Variants in SPATA9 observed in about 807,000 individuals in gnomAD.
SPATA9 encodes the protein spermatogenesis associated 9.
A neutral mutation model predicts 25.5 loss-of-function variants in SPATA9; 27 were observed. That is an observed-to-expected ratio of 1.06 (90% CI 0.78 to 1.46). SPATA9 has a LOEUF of 1.46. Ranked by LOEUF, SPATA9 falls within the 40% of genes most tolerant of loss-of-function variation. The pLI is 0.00. For synonymous variants in SPATA9, 102 were observed against 105.7 expected (o/e 0.97, Z 0.21); for missense variants, 282 against 297.5 (o/e 0.95, Z 0.38).
chr5:95,721,902 G>C, the SPATA9 span, among the ~76,000 whole-genome samples: 2 of 152,036 alleles, frequency 1.3e-5, no homozygotes, highest in African/African-American at 4.8e-5. Context: ...AATATATAAT[G>C]GCATTAGCAG....
chr5:95,673,390 G>A (rs924227180), intron 3 of SPATA9, among the ~76,000 whole-genome samples: 1 of 152,134 alleles, frequency 6.6e-6, no homozygotes, highest in South Asian at 2.1e-4. Flanking sequence ...GTGTGTGTGT[G>A]TGTGTGCATG....
At chr5:95,659,209 TAAATG>T (rs1175503909) in intron 4 of SPATA9, 89 of 254,354 alleles carry the variant, frequency 3.5e-4, no homozygotes, top group Non-Finnish European at 7.4e-6. Flanking sequence ...TTGATGTAAT[TAAATG>T]AAACATTTTC....
At chr5:95,711,482 G>T in the SPATA9 span, among the ~76,000 whole-genome samples, 2 of 152,152 alleles carry the variant, frequency 1.3e-5, no homozygotes, top group Non-Finnish European at 2.9e-5. Flanking sequence ...CATAAACCAA[G>T]AAGGGGGCTG....
At chr5:95,674,462 C>A (rs1424402234) in intron 3 of SPATA9, among the ~76,000 whole-genome samples, 1 of 152,190 alleles carries the variant, frequency 6.6e-6, no homozygotes, top group East Asian at 1.9e-4. Flanking sequence ...GAACACAAGC[C>A]ATGCTCTTGG....
the SPATA9 span, chr5:95,731,418 G>C: frequency 2.5e-6 from 3 of 1,190,582 alleles, no homozygotes; most frequent in Non-Finnish European, 3.1e-6. Context: ...GCTGTGCGGC[G>C]GTCCCGCGCC....
the SPATA9 span, among the ~76,000 whole-genome samples, chr5:95,726,372 G>A: frequency 3.9e-5 from 6 of 152,182 alleles, no homozygotes; most frequent in African/African-American, 1.4e-4. Flanking sequence ...TTTCTTGGAA[G>A]TATTGACTTG....
At chr5:95,682,170 A>G (rs1753520358) in intron 2 of SPATA9, among the ~76,000 whole-genome samples, 1 of 152,096 alleles carries the variant, frequency 6.6e-6, no homozygotes, top group African/African-American at 2.4e-5. Flanking sequence ...CATTGTTACA[A>G]TTTATCTCAA....
At chr5:95,661,341 G>A (rs775631386) in intron 4 of SPATA9, among the ~76,000 whole-genome samples, 4 of 151,838 alleles carry the variant, frequency 2.6e-5, no homozygotes, top group Admixed American at 6.6e-5. Context: ...GGTTCCACTC[G>A]TAGGACATTA....
chr5:95,656,000 A>G (rs906964063), downstream of SPATA9: 2 of 1,576,794 alleles, frequency 1.3e-6, no homozygotes, highest in South Asian at 1.2e-5. Context: ...GTCTATCAAG[A>G]ACATTTGACA....
At chr5:95,678,416 C>T (rs1481715864) in intron 2 of SPATA9, among the ~76,000 whole-genome samples, 1 of 151,932 alleles carries the variant, frequency 6.6e-6, no homozygotes, top group Non-Finnish European at 1.5e-5. Context: ...ACTTTCCTAG[C>T]CTCAAAAAGA....
chr5:95,664,063 A>G lies in SPATA9; in HGVS notation c.379-15T>C. Reference sequence around the variant, plus strand: ...CCCTTTCTGACCTGCAAAAACAGAAAAGATTTTCTTAATAAACAAACATTT... The same window carrying G: ...CCCTTTCTGACCTGCAAAAACAGAAGAGATTTTCTTAATAAACAAACATTT... On this transcript the variant is annotated splice_polypyrimidine_tract_variant and intron_variant, in intron 3 of 4. Coordinates refer to ENST00000274432, the MANE Select transcript of SPATA9 (RefSeq NM_031952.4). The G allele has an allele frequency of 6.8e-7, 1 of 1,476,636 alleles. No individual in the cohort carries two copies. The highest frequency in any genetic ancestry group is 9.2e-7 in the Non-Finnish European group (1 of 1,090,410). The allele number at this position is 1,476,636 out of a possible 1,614,324, so 91.5% of individuals were successfully genotyped here. A position where few individuals can be genotyped will look rare whatever the true frequency, so the allele number is the denominator to read the frequency against.
intron 3 of SPATA9, chr5:95,670,453 A>C (rs550525260): frequency 7.4e-4 from 112 of 152,318 alleles, no homozygotes; most frequent in African/African-American, 2.5e-3. Flanking sequence ...TGTCATCCAC[A>C]AAACAGTGAC....
At chr5:95,728,576 T>C in the SPATA9 span, among the ~76,000 whole-genome samples, 1 of 152,212 alleles carries the variant, frequency 6.6e-6, no homozygotes, top group African/African-American at 2.4e-5. Context: ...CTATCTCTTT[T>C]ACTGACTGCC....
At chr5:95,688,783 G>C (rs1239260458) in intron 1 of SPATA9, among the ~76,000 whole-genome samples, 1 of 152,010 alleles carries the variant, frequency 6.6e-6, no homozygotes, top group African/African-American at 2.4e-5. Context: ...CAATATTTGG[G>C]TAATGATTGC....
At chr5:95,707,179 A>G in the SPATA9 span, among the ~76,000 whole-genome samples, 2 of 152,244 alleles carry the variant, frequency 1.3e-5, no homozygotes, top group Non-Finnish European at 2.9e-5. Flanking sequence ...AGAATTTACC[A>G]TGAATAAGCC....
chr5:95,699,718 A>T (rs771984693), upstream of SPATA9, among the ~76,000 whole-genome samples: 9 of 152,234 alleles, frequency 5.9e-5, no homozygotes, highest in Non-Finnish European at 1.2e-4. Context: ...TAGAAATGGG[A>T]GAAATACGGA....
At chr5:95,680,054 T>C (rs974956066) in intron 2 of SPATA9, among the ~76,000 whole-genome samples, 1 of 152,156 alleles carries the variant, frequency 6.6e-6, no homozygotes, top group Non-Finnish European at 1.5e-5. Flanking sequence ...CCCGCCACAT[T>C]GCCTGGCTAA....
At chr5:95,731,345 C>T in the SPATA9 span, 2 of 1,116,810 alleles carry the variant, frequency 1.8e-6, no homozygotes, top group Non-Finnish European at 2.2e-6. Context: ...CAGCAGGAGG[C>T]GACAGCTGCC....
intron 3 of SPATA9, among the ~76,000 whole-genome samples, chr5:95,670,131 A>G (rs1752231493): frequency 1.3e-5 from 2 of 152,098 alleles, no homozygotes; most frequent in Non-Finnish European, 1.5e-5. Flanking sequence ...TCAATACGCT[A>G]TGACATATTA....
Sources: gnomAD v4.1 joint callset for allele counts (sites outside exome capture counted in the v4.1 genomes callset) on GRCh38, gnomAD v4.1.1 for gene constraint, MANE v1.5 for transcripts, NCBI Gene and HGNC (gene_info 2026-07-23, HGNC 2026-07-21) for gene names.